The following TLN2 variants were observed in gnomAD, a reference collection of about 807,000 sequenced individuals.
The protein encoded by TLN2 is talin-2.
A neutral mutation model predicts 294.7 loss-of-function variants in TLN2; 118 were observed. The observed-to-expected ratio is 0.40, with a 90% confidence interval of 0.34 to 0.47. The LOEUF (loss-of-function observed/expected upper bound fraction) is 0.47, where lower values mean the gene tolerates loss of function less well. TLN2 is among the 20% of genes least tolerant of loss of function. TLN2 has a pLI of 0.84. For missense variants in TLN2, 3,083 were observed against 3,282.2 expected, an observed-to-expected ratio of 0.94 and a Z score of 1.48; for synonymous variants, 1,431 against 1,304.5, an observed-to-expected ratio of 1.10 and a Z score of -2.09.
At chr15:62,606,836 T>C (rs918830508) in intron 2 of TLN2, among the ~76,000 whole-genome samples, 1 of 152,140 alleles carries the variant, frequency 6.6e-6, no homozygotes, top group Admixed American at 6.5e-5. Context: ...CCGTGTAGTG[T>C]GGAGTGAAGT....
At chr15:62,597,319 C>G (rs762320304) in intron 2 of TLN2, among the ~76,000 whole-genome samples, 1 of 152,136 alleles carries the variant, frequency 6.6e-6, no homozygotes, top group Non-Finnish European at 1.5e-5. Context: ...AGTGGTATTT[C>G]CTCTATTATG....
rs1398076212 is a variant in TLN2 at position 62,485,885 on chromosome 15, G to C, written c.-238+95200G>C. Among the ~76,000 whole-genome samples the C allele has an allele frequency of 4.6e-5, 7 of 152,140 alleles. No homozygotes were observed. In the East Asian group the frequency reaches 1.3e-3, roughly 29 times the overall value. ...GTCTGTGGGTTGGAGGATGGTGACA[G>C]ATGAATTTAATATGGGGTGCTTTGC... On this transcript the variant is annotated intron_variant, in intron 1 of 58. Transcript: ENST00000636159.
intron 1 of TLN2, among the ~76,000 whole-genome samples, chr15:62,477,195 C>T (rs1251953823): frequency 6.6e-6 from 1 of 152,264 alleles, no homozygotes; most frequent in Admixed American, 6.5e-5. Context: ...CTAAAGCATC[C>T]TGGGCATCTT....
rs751766438 is a variant in TLN2, at chr15:62,711,951, A to G, written c.2508A>G (p.Thr836=). ...VRQARVLAQA[T]SDLVNAMRSD... ...AGGCGCGGGTTCTGGCCCAAGCCACATCAGACCTCGTCAATGCCATGAGGT... is the reference window on the plus strand; with the variant it reads ...AGGCGCGGGTTCTGGCCCAAGCCACGTCAGACCTCGTCAATGCCATGAGGT... The change falls in exon 22 of 59, where the codon ACA becomes ACG. Residue 836 remains threonine (T), a synonymous_variant. Coordinates refer to ENST00000636159, the MANE Select transcript of TLN2 (RefSeq NM_015059.3). The G allele has an allele frequency of 3.1e-6, 5 of 1,613,900 alleles. No homozygotes were observed. The highest frequency in any genetic ancestry group is 3.3e-5 in the Admixed American group (2 of 59,996).
At chr15:62,574,397 T>C (rs2044198855) in intron 1 of TLN2, among the ~76,000 whole-genome samples, 1 of 151,254 alleles carries the variant, frequency 6.6e-6, no homozygotes, top group Non-Finnish European at 1.5e-5. Context: ...GCAACATAGC[T>C]AGACCCCGCC....
chr15:62,824,583 T>G (rs1184760449), intron 54 of TLN2, among the ~76,000 whole-genome samples: 3 of 152,230 alleles, frequency 2.0e-5, no homozygotes, highest in African/African-American at 7.2e-5. Context: ...GATATAGGAC[T>G]AAATATATCT....
chr15:62,778,267 T>C (rs2063859573), intron 43 of TLN2, among the ~76,000 whole-genome samples: 1 of 152,238 alleles, frequency 6.6e-6, no homozygotes, highest in Non-Finnish European at 1.5e-5. Flanking sequence ...TGCTGTGGGC[T>C]TCTCATGCTG....
At chr15:62,595,147 G>T (rs1052587066) in intron 2 of TLN2, among the ~76,000 whole-genome samples, 4 of 152,194 alleles carry the variant, frequency 2.6e-5, no homozygotes, top group African/African-American at 9.7e-5. Flanking sequence ...GATGGGCTGG[G>T]TGCGGTGGCT....
intron 1 of TLN2, among the ~76,000 whole-genome samples, chr15:62,539,161 C>G (rs1442515100): frequency 1.3e-5 from 2 of 152,174 alleles, no homozygotes; most frequent in African/African-American, 4.8e-5. Flanking sequence ...TAGAAGCAGA[C>G]ATTTTAGGGA....
intron 1 of TLN2, among the ~76,000 whole-genome samples, chr15:62,493,315 C>G (rs866617632): frequency 1.9e-4 from 29 of 152,256 alleles, no homozygotes; most frequent in African/African-American, 6.7e-4. Flanking sequence ...TACAGGCCAG[C>G]TATGTTGAAG....
chr15:62,617,345 G>A (rs1405616095), intron 2 of TLN2, among the ~76,000 whole-genome samples: 1 of 152,098 alleles, frequency 6.6e-6, no homozygotes, highest in African/African-American at 2.4e-5. Flanking sequence ...GCTGCTCCTG[G>A]AACCATTCCT....
intron 1 of TLN2, among the ~76,000 whole-genome samples, chr15:62,415,477 C>A (rs1467016811): frequency 1.5e-5 from 2 of 135,172 alleles, no homozygotes; most frequent in African/African-American, 2.6e-5. Context: ...GAAACGTTTC[C>A]TGGTGGAACA....
intron 26 of TLN2, among the ~76,000 whole-genome samples, chr15:62,723,590 C>CTGGA (rs1440053688): frequency 3.8e-5 from 5 of 132,330 alleles, no homozygotes; most frequent in African/African-American, 1.4e-4. Context: ...GTTGCACAGA[C>CTGGA]TGGAGTACAG....
At chr15:62,648,248 C>G (rs902463463) in intron 4 of TLN2, among the ~76,000 whole-genome samples, 3 of 151,896 alleles carry the variant, frequency 2.0e-5, no homozygotes, top group South Asian at 4.1e-4. Flanking sequence ...GGTTGAAACC[C>G]TGTCTCTAGT....
intron 1 of TLN2, among the ~76,000 whole-genome samples, chr15:62,402,226 T>C (rs531014022): frequency 1.8e-4 from 27 of 152,362 alleles, no homozygotes; most frequent in African/African-American, 5.8e-4. Context: ...TCTGACCCAC[T>C]AAACTGATTT....
chr15:62,716,644 C>A lies in TLN2; in HGVS notation c.2763+185C>A, dbSNP rs181985063. Among the ~76,000 whole-genome samples, 223 of 152,230 alleles carry A rather than the reference C, an allele frequency of 1.5e-3. 5 individuals are homozygous for A. Among genetic ancestry groups the A allele is most frequent in the Non-Finnish European group, 3.4e-4 (23 of 68,012 alleles). Reference sequence around the variant, plus strand: ...TTGGAAAAAACTGCTTCCGTAAGCTCGAATCCTTTCTAGCATTCAGGAATA... The same window carrying A: ...TTGGAAAAAACTGCTTCCGTAAGCTAGAATCCTTTCTAGCATTCAGGAATA... On this transcript the variant is annotated intron_variant, in intron 23 of 58. Coordinates refer to ENST00000636159, the MANE Select transcript of TLN2 (RefSeq NM_015059.3).
chr15:62,685,651 C>G (rs2057227145), intron 11 of TLN2, among the ~76,000 whole-genome samples: 1 of 152,080 alleles, frequency 6.6e-6, no homozygotes, highest in African/African-American at 2.4e-5. Flanking sequence ...AATAAGAAAC[C>G]TTAGCTATTT....
intron 50 of TLN2, among the ~76,000 whole-genome samples, chr15:62,801,626 G>C (rs756000315): frequency 1.3e-5 from 2 of 152,108 alleles, no homozygotes; most frequent in Non-Finnish European, 2.9e-5. Flanking sequence ...GGGTTTTCTT[G>C]TCATATCATT....
intron 1 of TLN2, among the ~76,000 whole-genome samples, chr15:62,589,191 T>C (rs1265465950): frequency 6.6e-6 from 1 of 152,108 alleles, no homozygotes; most frequent in Non-Finnish European, 1.5e-5. Context: ...TGGGTTTCCA[T>C]GGAGCAAGTT....
Sources: gnomAD v4.1 joint callset for allele counts (sites outside exome capture counted in the v4.1 genomes callset) on GRCh38, gnomAD v4.1.1 for gene constraint, MANE v1.5 for transcripts, NCBI Gene and HGNC (gene_info 2026-07-23, HGNC 2026-07-21) for gene names.